The following CHD1 variants were observed in gnomAD, a reference collection of about 807,000 sequenced individuals.
The protein encoded by CHD1 is chromodomain helicase DNA binding protein 1, also known as ATP-dependent chromatin remodeler CHD1.
In CHD1, 36 loss-of-function variants were observed where a neutral mutation model predicts 224.2. The observed-to-expected ratio is 0.16, with a 90% CI of 0.12 to 0.21. CHD1 has a LOEUF of 0.21. CHD1 is among the 10% of genes least tolerant of loss of function. The pLI, the probability that CHD1 is intolerant of heterozygous loss-of-function variation, is 1.00. For missense variants in CHD1, 1,378 were observed against 1,994.8 expected (o/e 0.69, Z 5.89); for synonymous variants, 668 against 658.3 (o/e 1.01, Z -0.23).
chr5:98,882,599 T>C (rs749193901), intron 19 of CHD1, among the ~76,000 whole-genome samples: 4 of 152,172 alleles, frequency 2.6e-5, no homozygotes, highest in Non-Finnish European at 5.9e-5. Flanking sequence ...CCTATTTCTC[T>C]AGGTCAAAGA....
intron 23 of CHD1, among the ~76,000 whole-genome samples, chr5:98,877,219 A>G (rs1286536894): frequency 1.3e-5 from 2 of 152,196 alleles, no homozygotes; most frequent in Non-Finnish European, 2.9e-5. Flanking sequence ...GAGAGACCAG[A>G]CAAATCTATA....
chr5:98,920,110 T>TAG (rs1268646133), intron 2 of CHD1, among the ~76,000 whole-genome samples: 1 of 152,058 alleles, frequency 6.6e-6, no homozygotes, highest in Non-Finnish European at 1.5e-5. Context: ...TATACAAATA[T>TAG]ATATTTTATA....
intron 2 of CHD1, among the ~76,000 whole-genome samples, chr5:98,907,237 A>G (rs1490901709): frequency 1.3e-5 from 2 of 152,226 alleles, no homozygotes; most frequent in African/African-American, 2.4e-5. Context: ...TACCTTGGGT[A>G]TTAGAAATAC....
chr5:98,866,954 T>G (rs980230266), intron 31 of CHD1, among the ~76,000 whole-genome samples: 11 of 152,158 alleles, frequency 7.2e-5, no homozygotes, highest in Admixed American at 1.3e-4. Context: ...AGGAACAACA[T>G]CTACAACAAT....
At chr5:98,880,846 C>T (rs112666062) in intron 22 of CHD1, among the ~76,000 whole-genome samples, 2 of 152,126 alleles carry the variant, frequency 1.3e-5, no homozygotes, top group African/African-American at 4.8e-5. Context: ...ATTCTAGTTG[C>T]TAATTAGGAA....
chr5:98,903,184 C>T (rs980668155), intron 4 of CHD1, among the ~76,000 whole-genome samples: 1 of 152,060 alleles, frequency 6.6e-6, no homozygotes, highest in African/African-American at 2.4e-5. Flanking sequence ...AAAATGTCAG[C>T]ACTTTGTATG....
chr5:98,857,403 TTTAA>T lies in CHD1; in HGVS notation c.4788-682_4788-679del, dbSNP rs571890355. The stretch of plus-strand genomic sequence containing the variant: ...ATATACTATAAATCTGCCTTTTCCT[TTTAA>T]TTATTTGACCCCTTCAAATAACAGC... On this transcript the variant is annotated intron_variant, in intron 35 of 35. Coordinates refer to ENST00000614616, the MANE Select transcript of CHD1 (RefSeq NM_001270.4). Among the ~76,000 whole-genome samples the T allele has an allele frequency of 8.8e-4, 134 of 152,228 alleles. 1 individual carries two copies. The highest frequency in any genetic ancestry group is 3.0e-3 in the African/African-American group (126 of 41,572).
rs1748258742 is a variant in CHD1 at position 98,858,989 on chromosome 5, C to A, written c.4551G>T (p.Leu1517Phe). ...SQQNSDQNSNLNPHVIRNPDV... is the reference protein window; with the variant it reads ...SQQNSDQNSNFNPHVIRNPDV... ...CTGGATTTCTAATCACGTGAGGATT[C>A]AAGTTGCTGTTTTGATCACTGTTTT... The change falls in exon 34 of 36, where the codon TTG becomes TTT. Residue 1517 changes from leucine (L) to phenylalanine (F), a missense_variant. Transcript: ENST00000614616. The A allele has an allele frequency of 6.4e-7, 1 of 1,565,882 alleles. No individual in the cohort carries two copies. The highest frequency in any genetic ancestry group is 1.2e-5 in the South Asian group (1 of 81,560).
chr5:98,925,148 C>T (rs935617114), intron 2 of CHD1, among the ~76,000 whole-genome samples: 5 of 152,078 alleles, frequency 3.3e-5, no homozygotes, highest in African/African-American at 1.2e-4. Context: ...TATATAGTAT[C>T]CTGTGTTACA....
intron 2 of CHD1, among the ~76,000 whole-genome samples, chr5:98,923,423 T>A (rs1753236356): frequency 6.6e-6 from 1 of 152,116 alleles, no homozygotes; most frequent in Admixed American, 6.5e-5. Flanking sequence ...GTTTAATTTT[T>A]TTTTTTTTTT....
chr5:98,859,955 TATG>T lies in CHD1; in HGVS notation c.4524+14_4524+16del, dbSNP rs149708261. The T allele has an allele frequency of 3.1e-3, 3,969 of 1,290,902 alleles. 89 individuals are homozygous for T. In the African/African-American group the frequency reaches 0.052, roughly 17 times the overall value. The allele number at this position is 1,290,902 out of a possible 1,614,324, so 80.0% of individuals were successfully genotyped here. On this transcript the variant is annotated intron_variant, in intron 33 of 35. Transcript: ENST00000614616. The stretch of plus-strand genomic sequence containing the variant: ...TAATTATATAAATTCAGGGAAAAAA[TATG>T]ATGTCAAGTTTACCTGAGACTCCTG...
chr5:98,876,523 T>A lies in CHD1; in HGVS notation c.3273A>T (p.Arg1091Ser). 3 of 1,614,038 alleles carry A rather than the reference T, an allele frequency of 1.9e-6. No individual in the cohort carries two copies. Among genetic ancestry groups the A allele is most frequent in the Non-Finnish European group, 2.5e-6 (3 of 1,179,948 alleles). ...SFNGSEGRRS[R>S]SRRYSGSDSD... is the part of the protein sequence containing the mutation. Reference sequence around the variant, plus strand: ...TATCAGATCCAGAGTATCTCCTACTTCTACTGCGCCTCCCTTCACTTCCAT... The same window carrying A: ...TATCAGATCCAGAGTATCTCCTACTACTACTGCGCCTCCCTTCACTTCCAT... Residue 1091 changes from arginine to serine, a missense_variant, in exon 24 of 36, where the codon AGA (arginine) becomes AGT (serine). Physicochemically the swap from Arg to Ser is moderately radical, Grantham distance 110. Around this residue, in one of 16 missense-constraint regions of CHD1, gnomAD observed 286 missense variants for 445.1 expected, o/e 0.64. Coordinates refer to ENST00000614616, the MANE Select transcript of CHD1 (RefSeq NM_001270.4).
rs1051571641 is a variant in CHD1 at position 98,855,639 on chromosome 5, A to T, written c.*741T>A. ...CATTCTAAACAATGATTCCATCAAG[A>T]CAAATCATTAAAAAGTGTTATTACA... On this transcript the variant is annotated 3_prime_UTR_variant, in exon 36 of 36. Coordinates refer to ENST00000614616, the MANE Select transcript of CHD1 (RefSeq NM_001270.4). The T allele has an allele frequency of 1.3e-5, 2 of 152,034 alleles. No individual in the cohort carries two copies. Among genetic ancestry groups the T allele is most frequent in the Non-Finnish European group, 2.9e-5 (2 of 67,974 alleles). 9.4% of individuals were successfully genotyped at this position (152,034 alleles called of 1,614,324 possible).
At chr5:98,858,432 ATGTGGC>A (rs1261370148) in intron 34 of CHD1, 42 bp from the exon 35 acceptor site, 5 of 1,526,810 alleles carry the variant, frequency 3.3e-6, no homozygotes, top group African/African-American at 1.4e-5. Flanking sequence ...CTTAAAAATA[ATGTGGC>A]AAAAAAAACT....
intron 22 of CHD1, among the ~76,000 whole-genome samples, chr5:98,880,663 A>AT (rs1750108302): frequency 6.6e-6 from 1 of 152,196 alleles, no homozygotes; most frequent in Non-Finnish European, 1.5e-5. Context: ...ATAGTAGCTT[A>AT]TTGCTTACTT....
chr5:98,925,247 C>CA (rs1753378459), intron 2 of CHD1, among the ~76,000 whole-genome samples: 1 of 152,134 alleles, frequency 6.6e-6, no homozygotes, highest in South Asian at 2.1e-4. Flanking sequence ...TCTCAATCCT[C>CA]AAATTTTTTT....
Position 98,854,485 on chromosome 5 carries a change from TA to T in CHD1, c.*1894del, listed in dbSNP as rs1292465047. On this transcript the variant is annotated 3_prime_UTR_variant, in exon 36 of 36. Coordinates refer to ENST00000614616, the MANE Select transcript of CHD1 (RefSeq NM_001270.4). ...TCATACTAAATGTAGAGAAAAGTGATAAAAGTTTCAAAAATGTGTGCCAGGA... is the reference window on the plus strand; with the variant it reads ...TCATACTAAATGTAGAGAAAAGTGATAAAGTTTCAAAAATGTGTGCCAGGA... 2 of 152,230 alleles carry T rather than the reference TA, an allele frequency of 1.3e-5. No homozygotes were observed. The highest frequency in any genetic ancestry group is 2.4e-5 in the African/African-American group (1 of 41,580). 9.4% of individuals were successfully genotyped at this position (152,230 alleles called of 1,614,324 possible).
intron 2 of CHD1, among the ~76,000 whole-genome samples, chr5:98,912,297 C>CA (rs1446448071): frequency 2.0e-5 from 3 of 151,992 alleles, no homozygotes; most frequent in African/African-American, 7.3e-5. Flanking sequence ...ATAAATTGGC[C>CA]AAACTAGGCC....
In CHD1 at chr5:98,855,651, A is replaced by G. The variant is rs1402563708; in HGVS notation, c.*729T>C. On this transcript the variant is annotated 3_prime_UTR_variant, in exon 36 of 36. Transcript: ENST00000614616. Reference sequence around the variant, plus strand: ...TGATTCCATCAAGACAAATCATTAAAAAGTGTTATTACACTGATTTTTTTT... The same window carrying G: ...TGATTCCATCAAGACAAATCATTAAGAAGTGTTATTACACTGATTTTTTTT... 1.3e-5 allele frequency: 2 copies of G among 152,188 alleles called. No homozygotes were observed. The highest frequency in any genetic ancestry group is 2.1e-4 in the South Asian group (1 of 4,820). The allele number at this position is 152,188 out of a possible 1,614,324, so 9.4% of individuals were successfully genotyped here.
Sources: gnomAD v4.1 joint callset for allele counts (sites outside exome capture counted in the v4.1 genomes callset) on GRCh38, gnomAD v4.1.1 for gene constraint, gnomAD v4.1.1 regional missense constraint, MANE v1.5 for transcripts, NCBI Gene and HGNC (gene_info 2026-07-23, HGNC 2026-07-21) for gene names.